Variants in CNTN3 observed in about 807,000 individuals in gnomAD.
The protein encoded by CNTN3 is contactin-3.
In CNTN3, 60 loss-of-function variants were observed where a neutral mutation model predicts 119.1. The observed-to-expected ratio is 0.50, with a 90% CI of 0.41 to 0.62. CNTN3 has a LOEUF of 0.62. Among genes scored for constraint, CNTN3 ranks in the 20% least tolerant of loss-of-function variants. The probability of loss-of-function intolerance (pLI) is 0.00; values close to 1 mark genes in which losing one functional copy is unlikely to be tolerated. For missense variants in CNTN3, 1,101 were observed against 1,242.4 expected, an observed-to-expected ratio of 0.89 and a Z score of 1.71; for synonymous variants, 450 against 438.7, an observed-to-expected ratio of 1.03 and a Z score of -0.32.
chr3:74,464,235 T>C (rs1363640744), intron 4 of CNTN3, among the ~76,000 whole-genome samples: 1 of 152,160 alleles, frequency 6.6e-6, no homozygotes, highest in Non-Finnish European at 1.5e-5. Context: ...ATTGCTCAAG[T>C]ATAATTTATA....
At chr3:74,294,085 G>GT (rs1702286215) in intron 19 of CNTN3, among the ~76,000 whole-genome samples, 1 of 152,168 alleles carries the variant, frequency 6.6e-6, no homozygotes, top group Non-Finnish European at 1.5e-5. Context: ...AAGTGGAGGG[G>GT]TATGTGGCCC....
At chr3:74,398,672 TG>T (rs1705115204) in intron 5 of CNTN3, among the ~76,000 whole-genome samples, 1 of 152,218 alleles carries the variant, frequency 6.6e-6, no homozygotes. Context: ...TTAAAATGTG[TG>T]TCAAACAGTG....
chr3:74,368,549 T>C (rs1413382919), intron 8 of CNTN3, among the ~76,000 whole-genome samples: 4 of 151,974 alleles, frequency 2.6e-5, no homozygotes, highest in South Asian at 2.1e-4. Flanking sequence ...TTTCTTAAAA[T>C]AAGAGGTTTG....
chr3:74,554,072 T>C (rs947186466), intron 1 of CNTN3, among the ~76,000 whole-genome samples: 1 of 152,226 alleles, frequency 6.6e-6, no homozygotes, highest in Admixed American at 6.5e-5. Context: ...AAGTCTTTCA[T>C]CCATCTTGAG....
chr3:74,314,777 A>G (rs180910692), intron 13 of CNTN3, among the ~76,000 whole-genome samples: 2 of 152,338 alleles, frequency 1.3e-5, no homozygotes, highest in Admixed American at 1.3e-4. Flanking sequence ...AGTTGACCTC[A>G]ACAGTACCTT....
intron 4 of CNTN3, among the ~76,000 whole-genome samples, chr3:74,450,149 A>G (rs80163439): frequency 1.3e-5 from 2 of 152,124 alleles, no homozygotes; most frequent in African/African-American, 4.8e-5. Context: ...AATGGTAGCT[A>G]TATTTCTTTA....
chr3:74,610,280 A>T (rs1705058650), intron 1 of CNTN3, among the ~76,000 whole-genome samples: 1 of 151,830 alleles, frequency 6.6e-6, no homozygotes, highest in Non-Finnish European at 1.5e-5. Flanking sequence ...CCATGATCGC[A>T]CCACTGCACT....
chr3:74,550,635 C>A (rs745513634), intron 1 of CNTN3, among the ~76,000 whole-genome samples: 1 of 152,140 alleles, frequency 6.6e-6, no homozygotes, highest in Non-Finnish European at 1.5e-5. Context: ...AGCTCCTCAA[C>A]TCAAGCCATC....
chr3:74,478,012 T>A (rs941493901), intron 4 of CNTN3, among the ~76,000 whole-genome samples: 4 of 152,052 alleles, frequency 2.6e-5, no homozygotes, highest in Admixed American at 2.6e-4. Flanking sequence ...TCTCTCTTAG[T>A]CCTGAAATAT....
At position 74,532,359 on chromosome 3, in the gene CNTN3, C is replaced by A. The variant is rs141892718; in HGVS notation, c.-80-11167G>T. On this transcript the variant is annotated intron_variant, in intron 1 of 22. Transcript: ENST00000263665. ...TCTGTGGGGCATACATTCCAAGACC[C>A]CCTGGTGGATGCTTGAAACTGCAGA... is the stretch of plus-strand genomic sequence containing the variant. 3.4e-3 allele frequency among the ~76,000 whole-genome samples: 518 copies of A among 152,022 alleles called. 3 individuals are homozygous for A. Among genetic ancestry groups the A allele is most frequent in the Non-Finnish European group, 5.8e-3 (395 of 67,924 alleles).
chr3:74,339,241 T>C (rs1279592007), intron 11 of CNTN3, among the ~76,000 whole-genome samples: 10 of 152,052 alleles, frequency 6.6e-5, no homozygotes. Context: ...AACCTCCTCT[T>C]TGGTGTCACA....
chr3:74,512,648 G>T (rs2107106652), intron 2 of CNTN3, among the ~76,000 whole-genome samples: 1 of 121,530 alleles, frequency 8.2e-6, no homozygotes, highest in East Asian at 2.5e-4. Context: ...AGAAATAATG[G>T]CCATAGCACT....
At chr3:74,355,655 A>G (rs1703917824) in intron 11 of CNTN3, among the ~76,000 whole-genome samples, 1 of 151,960 alleles carries the variant, frequency 6.6e-6, no homozygotes. Context: ...GGGTTTCACC[A>G]TGTTGGCCAG....
At chr3:74,443,222 T>A (rs139096985) in intron 4 of CNTN3, among the ~76,000 whole-genome samples, 1 of 152,268 alleles carries the variant, frequency 6.6e-6, no homozygotes, top group East Asian at 1.9e-4. Flanking sequence ...ATTCCAGAGC[T>A]TGACAGTGGG....
intron 1 of CNTN3, among the ~76,000 whole-genome samples, chr3:74,523,739 T>C (rs550022620): frequency 6.6e-6 from 1 of 151,996 alleles, no homozygotes; most frequent in South Asian, 2.1e-4. Flanking sequence ...AATAAATATA[T>C]GAAGCTCTGC....
chr3:74,562,044 C>A (rs572747498), intron 1 of CNTN3, among the ~76,000 whole-genome samples: 1 of 152,266 alleles, frequency 6.6e-6, no homozygotes, highest in South Asian at 2.1e-4. Flanking sequence ...TTCTCCCAAG[C>A]CTGACTCATC....
chr3:74,479,174 A>G (rs1702714424), intron 4 of CNTN3, among the ~76,000 whole-genome samples: 1 of 152,092 alleles, frequency 6.6e-6, no homozygotes, highest in South Asian at 2.1e-4. Flanking sequence ...AGAGAAAACT[A>G]AAGACAGGAA....
At chr3:74,335,476 C>A (rs141260299) in intron 12 of CNTN3, among the ~76,000 whole-genome samples, 1 of 152,180 alleles carries the variant, frequency 6.6e-6, no homozygotes, top group Non-Finnish European at 1.5e-5. Flanking sequence ...CACCTCCTTC[C>A]ATTTGTCTAT....
rs114249325 is a variant in CNTN3 at position 74,529,154 on chromosome 3, T to A, written c.-80-7962A>T. ...GAAAACTGTGGGGTCAGGAAGAGAATAGAAAGATAAAAATTTTCAATATAC... is the reference window on the plus strand; with the variant it reads ...GAAAACTGTGGGGTCAGGAAGAGAAAAGAAAGATAAAAATTTTCAATATAC... On this transcript the variant is annotated intron_variant, in intron 1 of 22. Coordinates refer to ENST00000263665, the MANE Select transcript of CNTN3 (RefSeq NM_020872.3). Among the ~76,000 whole-genome samples, 3 of 152,038 alleles carry A rather than the reference T, an allele frequency of 2.0e-5. No homozygotes were observed. In the South Asian group the frequency reaches 6.2e-4, roughly 31 times the overall value.
Sources: allele counts gnomAD v4.1 joint callset (sites outside exome capture counted in the v4.1 genomes callset), GRCh38; gene constraint gnomAD v4.1.1; transcripts MANE v1.5; gene names NCBI Gene and HGNC (gene_info 2026-07-23, HGNC 2026-07-21).